The following ALOX5 variants were observed in gnomAD, a reference collection of about 807,000 sequenced individuals.
The protein encoded by ALOX5 is arachidonate 5-lipoxygenase, also known as polyunsaturated fatty acid 5-lipoxygenase.
A neutral mutation model predicts 87.9 loss-of-function variants in ALOX5; 64 were observed. The observed-to-expected ratio is 0.73, with a 90% CI of 0.60 to 0.90. The LOEUF (loss-of-function observed/expected upper bound fraction) is 0.90. ALOX5 is among the 40% of genes least tolerant of loss of function. The pLI, the probability that ALOX5 is intolerant of heterozygous loss-of-function variation, is 0.00. For synonymous variants in ALOX5, 388 were observed against 355.1 expected, an observed-to-expected ratio of 1.09 and a Z score of -1.04; for missense variants, 822 against 907.5, an observed-to-expected ratio of 0.91 and a Z score of 1.21.
At chr10:45,444,439 AC>A in intron 13 of ALOX5, 153 bp downstream of exon 13, 1 of 1,078,148 alleles carries the variant, frequency 9.3e-7, no homozygotes, top group Non-Finnish European at 1.3e-6. Flanking sequence ...TGCAGCCGCC[AC>A]CAGGTCCCCC....
chr10:45,413,917 C>T (rs1030521154), intron 4 of ALOX5, among the ~76,000 whole-genome samples: 10 of 152,100 alleles, frequency 6.6e-5, no homozygotes, highest in African/African-American at 2.2e-4. Flanking sequence ...GAACTACAAA[C>T]CACTGCTCAA....
intron 7 of ALOX5, among the ~76,000 whole-genome samples, chr10:45,431,564 T>C (rs954260902): frequency 2.1e-5 from 3 of 142,028 alleles, no homozygotes; most frequent in African/African-American, 9.1e-5. Context: ...TATTTATTTA[T>C]TTATTTATTT....
chr10:45,423,293 T>G (rs995389018), intron 4 of ALOX5, among the ~76,000 whole-genome samples: 1 of 152,228 alleles, frequency 6.6e-6, no homozygotes, highest in Non-Finnish European at 1.5e-5. Flanking sequence ...ATCTTGTTAA[T>G]CTCAGTCTTT....
rs1589027560 is a variant in ALOX5, at chr10:45,419,947, A to G, written c.555-4094A>G. Among the ~76,000 whole-genome samples, 3 of 152,146 alleles carry G rather than the reference A, an allele frequency of 2.0e-5. No individual in the cohort carries two copies. In the East Asian group the frequency reaches 5.8e-4, roughly 29 times the overall value. ...CGGAGGAAAGAGAGGCCGGAAGAGG[A>G]GGGGGCCTGCTGGCCTGGCACTGGA... On this transcript the variant is annotated intron_variant, in intron 4 of 13. Coordinates refer to ENST00000374391, the MANE Select transcript of ALOX5 (RefSeq NM_000698.5).
chr10:45,403,840 A>G (rs1355775177), intron 3 of ALOX5, among the ~76,000 whole-genome samples: 1 of 152,158 alleles, frequency 6.6e-6, no homozygotes, highest in Non-Finnish European at 1.5e-5. Flanking sequence ...TCTGCCTCCC[A>G]TCCCAAAGGG....
chr10:45,438,378 G>A (rs547505599), intron 7 of ALOX5, among the ~76,000 whole-genome samples: 12 of 152,248 alleles, frequency 7.9e-5, no homozygotes, highest in African/African-American at 2.6e-4. Context: ...ATGTAAAATG[G>A]GTACAGCAAG....
intron 3 of ALOX5, among the ~76,000 whole-genome samples, chr10:45,398,698 A>T (rs1035287127): frequency 6.6e-6 from 1 of 152,228 alleles, no homozygotes; most frequent in Admixed American, 6.5e-5. Flanking sequence ...ATGAGTGAGG[A>T]TCTGAATAGA....
chr10:45,412,173 C>T lies in ALOX5; in HGVS notation c.432-18C>T, dbSNP rs956510614. The T allele has an allele frequency of 2.5e-6, 4 of 1,613,874 alleles. No homozygotes were observed. Among genetic ancestry groups the T allele is most frequent in the Admixed American group, 3.3e-5 (2 of 59,964 alleles). ...AGGCTGGCATTTAACTCAATTTCTT[C>T]TCCTTTCTCATGCTCAGATGGATGG... On this transcript the variant is annotated intron_variant, in intron 3 of 13. Transcript: ENST00000374391.
Position 45,412,230 on chromosome 10 carries a change from T to C in ALOX5, c.471T>C (p.Asp157=). The C allele has an allele frequency of 6.2e-7, 1 of 1,614,168 alleles. No individual in the cohort carries two copies. The highest frequency in any genetic ancestry group is 8.5e-7 in the Non-Finnish European group (1 of 1,180,004). The change falls in exon 4 of 14, where the codon GAT becomes GAC. Residue 157 remains aspartate (D), a synonymous_variant. Coordinates refer to ENST00000374391, the MANE Select transcript of ALOX5 (RefSeq NM_000698.5). ...EWNPGFPLSI[D]AKCHKDLPRD... ...ACCCTGGCTTCCCCTTGAGCATCGATGCCAAATGCCACAAGGATTTACCCC... is the reference window on the plus strand; with the variant it reads ...ACCCTGGCTTCCCCTTGAGCATCGACGCCAAATGCCACAAGGATTTACCCC...
rs372587191 is a variant in ALOX5 at position 45,374,312 on chromosome 10, C to T, written c.33C>T (p.Gly11=). The change falls in exon 1 of 14, where the codon GGC becomes GGT. Residue 11 remains glycine (G), a synonymous_variant. Coordinates refer to ENST00000374391, the MANE Select transcript of ALOX5 (RefSeq NM_000698.5). Reference sequence around the variant, plus strand: ...CCTACACGGTCACCGTGGCCACTGGCAGCCAGTGGTTCGCCGGCACTGACG... The same window carrying T: ...CCTACACGGTCACCGTGGCCACTGGTAGCCAGTGGTTCGCCGGCACTGACG... MPSYTVTVAT[G]SQWFAGTDDY... is the part of the protein sequence containing the mutation. The T allele has an allele frequency of 3.9e-6, 6 of 1,520,320 alleles. No homozygotes were observed. In the South Asian group the frequency reaches 4.9e-5, roughly 12 times the overall value. The allele number at this position is 1,520,320 out of a possible 1,614,324, so 94.2% of individuals were successfully genotyped here.
At chr10:45,377,836 C>T (rs184973589) in intron 1 of ALOX5, among the ~76,000 whole-genome samples, 2 of 152,214 alleles carry the variant, frequency 1.3e-5, no homozygotes, top group Non-Finnish European at 2.9e-5. Flanking sequence ...ATAGAAAGCT[C>T]ACATGAAAAC....
intron 2 of ALOX5, among the ~76,000 whole-genome samples, chr10:45,392,669 A>C (rs1293192815): frequency 6.6e-6 from 1 of 151,818 alleles, no homozygotes; most frequent in Non-Finnish European, 1.5e-5. Flanking sequence ...ACCCTGCCAA[A>C]TCCCCCTCTG....
At chr10:45,391,340 C>A (rs1313086836) in intron 2 of ALOX5, among the ~76,000 whole-genome samples, 1 of 152,234 alleles carries the variant, frequency 6.6e-6, no homozygotes, top group African/African-American at 2.4e-5. Flanking sequence ...AGTGATCCGC[C>A]AGCCTCGGCC....
At chr10:45,443,007 C>T (rs755278305) in intron 9 of ALOX5, 31 bp from the exon 10 acceptor site, 1 of 1,593,458 alleles carries the variant, frequency 6.3e-7, no homozygotes, top group South Asian at 1.1e-5. Flanking sequence ...GGAGGAGCCA[C>T]CCGCTCAGGG....
At chr10:45,391,828 C>T (rs1254817063) in intron 2 of ALOX5, among the ~76,000 whole-genome samples, 2 of 150,544 alleles carry the variant, frequency 1.3e-5, no homozygotes, top group African/African-American at 2.4e-5. Flanking sequence ...GCAGCCGCCC[C>T]ATCTGAGAAG....
chr10:45,433,619 AC>A (rs2132833496), intron 7 of ALOX5, among the ~76,000 whole-genome samples: 1 of 152,344 alleles, frequency 6.6e-6, no homozygotes. Flanking sequence ...ATTAATCAAT[AC>A]ATGGAGGGTA....
rs749106042 is a variant in ALOX5, at chr10:45,440,503, A to C, written c.1055A>C (p.Lys352Thr). The C allele has an allele frequency of 3.7e-6, 6 of 1,614,234 alleles. No individual in the cohort carries two copies. The highest frequency in any genetic ancestry group is 5.1e-6 in the Non-Finnish European group (6 of 1,180,024). ...SDAKYDWLLA[K>T]IWVRSSDFHV... ...GCAAAATACGACTGGCTTTTGGCCAAAATCTGGGTGCGTTCCAGTGACTTC... is the reference window on the plus strand; with the variant it reads ...GCAAAATACGACTGGCTTTTGGCCACAATCTGGGTGCGTTCCAGTGACTTC... The change falls in exon 8 of 14, where the codon AAA (lysine) becomes ACA (threonine). Residue 352 changes from lysine to threonine, a missense_variant. Transcript: ENST00000374391.
chr10:45,416,134 TTG>T (rs1841281891), intron 4 of ALOX5, among the ~76,000 whole-genome samples: 2 of 152,110 alleles, frequency 1.3e-5, no homozygotes, highest in South Asian at 4.1e-4. Flanking sequence ...TTTCTAAACA[TTG>T]TGTCGGTGTT....
intron 1 of ALOX5, among the ~76,000 whole-genome samples, chr10:45,377,058 C>G (rs923004630): frequency 6.6e-6 from 1 of 152,098 alleles, no homozygotes. Flanking sequence ...TTAGTTGGCC[C>G]ATTTCATTCT....
Sources: allele counts gnomAD v4.1 joint callset (sites outside exome capture counted in the v4.1 genomes callset), GRCh38; gene constraint gnomAD v4.1.1; transcripts MANE v1.5; gene names NCBI Gene and HGNC (gene_info 2026-07-23, HGNC 2026-07-21).